CSE1L: variants seen among roughly 807,000 people sequenced by gnomAD.
The protein encoded by CSE1L is chromosome segregation 1 like.
Under a neutral mutation model 120.4 loss-of-function variants are expected in CSE1L, and 24 were observed. The observed-to-expected ratio is 0.20, with a 90% CI of 0.14 to 0.28. CSE1L has a LOEUF of 0.28. CSE1L is among the 10% of genes least tolerant of loss of function. The pLI is 1.00. For synonymous variants in CSE1L, 402 were observed against 398.3 expected, an observed-to-expected ratio of 1.01 and a Z score of -0.11; for missense variants, 830 against 1,145.2, an observed-to-expected ratio of 0.72 and a Z score of 3.97.
intron 10 of CSE1L, among the ~76,000 whole-genome samples, chr20:49,073,852 A>G (rs1367717451): frequency 6.6e-6 from 1 of 152,160 alleles, no homozygotes; most frequent in Non-Finnish European, 1.5e-5. Context: ...GGAACAAAAT[A>G]AGGAAATTAA....
intron 15 of CSE1L, among the ~76,000 whole-genome samples, chr20:49,084,901 C>T (rs1300052631): frequency 1.3e-5 from 2 of 152,146 alleles, no homozygotes; most frequent in Non-Finnish European, 2.9e-5. Context: ...CAGTACCTAT[C>T]TTCAGGCCCA....
intron 2 of CSE1L, among the ~76,000 whole-genome samples, chr20:49,059,181 G>A (rs973801073): frequency 6.6e-6 from 1 of 151,596 alleles, no homozygotes; most frequent in African/African-American, 2.4e-5. Flanking sequence ...GGCATAGAAA[G>A]GAGAGTAATT....
At chr20:49,078,714 T>C (rs753762607) in intron 14 of CSE1L, 92 bp downstream of exon 14, 8 of 760,450 alleles carry the variant, frequency 1.1e-5, no homozygotes, top group Non-Finnish European at 1.6e-5. Flanking sequence ...TCATTTTATA[T>C]CCACATCTAA....
intron 1 of CSE1L, among the ~76,000 whole-genome samples, chr20:49,055,510 A>C (rs1467572805): frequency 6.6e-6 from 1 of 152,084 alleles, no homozygotes; most frequent in East Asian, 1.9e-4. Context: ...TGAGGTCAGG[A>C]GTTCAAGACC....
At chr20:49,095,716 C>T (rs2092134408) in intron 24 of CSE1L, among the ~76,000 whole-genome samples, 1 of 152,112 alleles carries the variant, frequency 6.6e-6, no homozygotes, top group Admixed American at 6.6e-5. Context: ...AGAGTTCTTA[C>T]ATGTTACCTG....
intron 19 of CSE1L, 37 bp from the exon 20 acceptor site, chr20:49,090,705 T>A (rs1329842870): frequency 2.7e-6 from 4 of 1,501,728 alleles, no homozygotes; most frequent in Non-Finnish European, 3.7e-6. Context: ...TAATTATTCC[T>A]GTTAACCATT....
intron 1 of CSE1L, among the ~76,000 whole-genome samples, chr20:49,047,153 G>C (rs531877005): frequency 6.6e-6 from 1 of 152,304 alleles, no homozygotes; most frequent in Non-Finnish European, 1.5e-5. Flanking sequence ...TAGATCGCCT[G>C]GGTTCATTCC....
intron 16 of CSE1L, 41 bp downstream of exon 16, chr20:49,085,427 C>T (rs1256427355): frequency 2.8e-6 from 4 of 1,454,502 alleles, no homozygotes; most frequent in Non-Finnish European, 3.9e-6. Flanking sequence ...GGTATCCAAT[C>T]TCAGATTGTA....
Position 49,094,264 on chromosome 20 carries a change from G to C in CSE1L, c.2572G>C (p.Asp858His). The change falls in exon 23 of 25, where the codon GAC (aspartate) becomes CAC (histidine). Residue 858 changes from aspartate to histidine, a missense_variant. Asp to His is a moderately conservative substitution (Grantham distance 81, BLOSUM62 -1). Transcript: ENST00000262982. ...KLLTECPPMM[D>H]TEYTKLWTPL... ...ACTAACAGAATGTCCCCCAATGATG[G>C]ACACTGAGTATACCAAACTGTGGTA... 2.5e-6 allele frequency: 4 copies of C among 1,612,606 alleles called. No homozygotes were observed. In the South Asian group the frequency reaches 3.3e-5, roughly 13 times the overall value.
In CSE1L at chr20:49,065,586, A is replaced by ATTTTTTTTTTTTTTT. The variant is rs1169151375; in HGVS notation, c.229-594_229-580dup. ...CCATCGCACCTGGCCTAAAATGGAA[A>ATTTTTTTTTTTTTTT]TTTTTTTTTTTTTTTTTTTTTTTTT... is the stretch of plus-strand genomic sequence containing the variant. On this transcript the variant is annotated intron_variant, in intron 3 of 24. Coordinates refer to ENST00000262982, the MANE Select transcript of CSE1L (RefSeq NM_001316.4). 5.2e-5 allele frequency among the ~76,000 whole-genome samples: 4 copies of ATTTTTTTTTTTTTTT among 76,322 alleles called. 1 individual carries two copies. The highest frequency in any genetic ancestry group is 7.0e-5 in the Non-Finnish European group (3 of 42,628). 50.1% of individuals were successfully genotyped at this position (76,322 alleles called of 152,430 possible).
intron 1 of CSE1L, among the ~76,000 whole-genome samples, chr20:49,051,483 C>T (rs77806667): frequency 6.6e-6 from 1 of 152,162 alleles, no homozygotes; most frequent in Non-Finnish European, 1.5e-5. Context: ...GCGGGGACTG[C>T]GGTGAGCTGA....
At chr20:49,078,460 C>T in intron 13 of CSE1L, 101 bp from the exon 14 acceptor site, 1 of 768,560 alleles carries the variant, frequency 1.3e-6, no homozygotes, top group East Asian at 2.8e-5. Context: ...GCTTTAATTA[C>T]TTGACATTTT....
intron 24 of CSE1L, 159 bp downstream of exon 24, chr20:49,095,122 C>A: frequency 1.4e-6 from 1 of 696,662 alleles, no homozygotes; most frequent in Non-Finnish European, 2.6e-6. Flanking sequence ...AAACACTGAG[C>A]CCTTTTTTTC....
rs753899944 is a variant in CSE1L at position 49,072,476 on chromosome 20, T to C, written c.936+23T>C. The C allele has an allele frequency of 3.1e-6, 5 of 1,610,404 alleles. No individual in the cohort carries two copies. In the Admixed American group the frequency reaches 8.4e-5, roughly 27 times the overall value. On this transcript the variant is annotated intron_variant, in intron 9 of 24. Transcript: ENST00000262982. ...TTGGTAAGATGATGGTGGAGACAAA[T>C]AATTAAAAGACATTCTCTCCCTATC...
chr20:49,087,932 T>C (rs930515325), intron 16 of CSE1L, 77 bp from the exon 17 acceptor site: 3 of 955,514 alleles, frequency 3.1e-6, no homozygotes, highest in Admixed American at 5.1e-5. Flanking sequence ...ATTAGTGCGC[T>C]TTTTTCCCCC....
rs755864239 is a variant in CSE1L at position 49,074,766 on chromosome 20, A to T, written c.1067-19A>T. On this transcript the variant is annotated intron_variant, in intron 10 of 24. Transcript: ENST00000262982. ...GACGTCTTTTGGAGTGTTATCTGAAATATCATCTCTCCTTGTAGCTGCTGA... is the reference window on the plus strand; with the variant it reads ...GACGTCTTTTGGAGTGTTATCTGAATTATCATCTCTCCTTGTAGCTGCTGA... 6.2e-7 allele frequency: 1 copy of T among 1,605,070 alleles called. No homozygotes were observed. The highest frequency in any genetic ancestry group is 8.5e-7 in the Non-Finnish European group (1 of 1,175,024).
At chr20:49,080,732 TC>T (rs1018166013) in intron 14 of CSE1L, among the ~76,000 whole-genome samples, 2 of 152,158 alleles carry the variant, frequency 1.3e-5, no homozygotes, top group Non-Finnish European at 2.9e-5. Flanking sequence ...TGCCTCGGCC[TC>T]CCAAAATGCT....
intron 14 of CSE1L, among the ~76,000 whole-genome samples, chr20:49,079,236 T>A (rs2091992074): frequency 6.6e-6 from 1 of 151,558 alleles, no homozygotes; most frequent in Non-Finnish European, 1.5e-5. Flanking sequence ...AAATTTTTTT[T>A]TATTTTTTTG....
At chr20:49,091,179 TTG>T (rs1253550649) in intron 21 of CSE1L, among the ~76,000 whole-genome samples, 157 bp downstream of exon 21, 1 of 152,132 alleles carries the variant, frequency 6.6e-6, no homozygotes, top group Non-Finnish European at 1.5e-5. Flanking sequence ...TCGCAGCACT[TTG>T]GGTGGCCAAG....
Sources: gnomAD v4.1 joint callset for allele counts (sites outside exome capture counted in the v4.1 genomes callset) on GRCh38, gnomAD v4.1.1 for gene constraint, MANE v1.5 for transcripts, NCBI Gene and HGNC (gene_info 2026-07-23, HGNC 2026-07-21) for gene names.